The following GABRG3 variants were observed in gnomAD, a reference collection of about 807,000 sequenced individuals.
GABRG3 encodes gamma-aminobutyric acid receptor subunit gamma-3.
A neutral mutation model predicts 48.8 loss-of-function variants in GABRG3; 25 were observed. The observed-to-expected ratio is 0.51, with a 90% CI of 0.37 to 0.72. The LOEUF (loss-of-function observed/expected upper bound fraction) is 0.72, where lower values mean the gene tolerates loss of function less well. Among genes scored for constraint, GABRG3 ranks in the 30% least tolerant of loss-of-function variants. GABRG3 has a pLI of 0.00. For missense variants in GABRG3, 394 were observed against 577.9 expected (o/e 0.68, Z 3.26); for synonymous variants, 227 against 217.6 (o/e 1.04, Z -0.38).
At chr15:26,990,996 G>T (rs771945269) in intron 2 of GABRG3, among the ~76,000 whole-genome samples, 2 of 151,890 alleles carry the variant, frequency 1.3e-5, no homozygotes, top group Non-Finnish European at 2.9e-5. Context: ...ATAGAGATGG[G>T]ATTTCACCAT....
At chr15:27,425,448 C>T (rs970925406) in intron 5 of GABRG3, among the ~76,000 whole-genome samples, 1 of 77,880 alleles carries the variant, frequency 1.3e-5, no homozygotes, top group Non-Finnish European at 3.1e-5. Context: ...ACTAAAAATA[C>T]AAAAAAAAAA....
chr15:27,261,622 T>C (rs1890771608), intron 3 of GABRG3, among the ~76,000 whole-genome samples: 1 of 151,782 alleles, frequency 6.6e-6, no homozygotes, highest in Non-Finnish European at 1.5e-5. Context: ...TTAAAACATA[T>C]GAAATATATT....
chr15:27,163,958 C>T (rs1887290475), intron 3 of GABRG3, among the ~76,000 whole-genome samples: 1 of 152,162 alleles, frequency 6.6e-6, no homozygotes, highest in Admixed American at 6.5e-5. Flanking sequence ...ACCTTAGGAG[C>T]GGACCAATTC....
Position 27,520,069 on chromosome 15 carries a change from A to G in GABRG3, c.810A>G (p.Leu270=). The change falls in exon 7 of 10, where the codon TTA becomes TTG. Residue 270 remains leucine, a synonymous_variant. Coordinates refer to ENST00000615808, the MANE Select transcript of GABRG3 (RefSeq NM_033223.5). ...TYIPCILTVV[L]SWVSFWIKKD... ...TTCCCTGTATACTGACTGTGGTTTTATCCTGGGTGTCATTTTGGATCAAAA... is the reference window on the plus strand; with the variant it reads ...TTCCCTGTATACTGACTGTGGTTTTGTCCTGGGTGTCATTTTGGATCAAAA... The G allele has an allele frequency of 6.2e-7, 1 of 1,604,598 alleles. No homozygotes were observed. The highest frequency in any genetic ancestry group is 8.5e-7 in the Non-Finnish European group (1 of 1,174,830).
chr15:27,037,392 T>G (rs957007873), intron 3 of GABRG3, among the ~76,000 whole-genome samples: 1 of 152,182 alleles, frequency 6.6e-6, no homozygotes, highest in Non-Finnish European at 1.5e-5. Flanking sequence ...AGGTTTATTT[T>G]CAATAAACCT....
At chr15:27,458,721 C>T (rs1889361971) in intron 5 of GABRG3, among the ~76,000 whole-genome samples, 1 of 152,100 alleles carries the variant, frequency 6.6e-6, no homozygotes. Context: ...GGAGAAAAAT[C>T]CAGGCTTATT....
intron 3 of GABRG3, among the ~76,000 whole-genome samples, chr15:27,294,175 C>A (rs1251521429): frequency 6.6e-6 from 1 of 151,944 alleles, no homozygotes; most frequent in Non-Finnish European, 1.5e-5. Context: ...AGCCCAGATC[C>A]CTGTCATCTG....
intron 3 of GABRG3, among the ~76,000 whole-genome samples, chr15:27,192,458 G>T (rs1371403772): frequency 6.6e-6 from 1 of 151,768 alleles, no homozygotes; most frequent in Non-Finnish European, 1.5e-5. Context: ...TTCCCTTCTC[G>T]CTTCATTTCA....
At chr15:27,284,960 TG>T (rs1470803058) in intron 3 of GABRG3, among the ~76,000 whole-genome samples, 4 of 152,218 alleles carry the variant, frequency 2.6e-5, no homozygotes, top group African/African-American at 9.6e-5. Context: ...TAGCTAGAGA[TG>T]AATCCCAGGC....
In GABRG3 at chr15:27,230,257, G is replaced by T. The variant is rs151178781; in HGVS notation, c.271-96552G>T. On this transcript the variant is annotated intron_variant, in intron 3 of 9. Transcript: ENST00000615808. ...ATAAATCGAACCAAACCTGTAGAATGATTCTGAGATGCACTATAATGGTAA... is the reference window on the plus strand; with the variant it reads ...ATAAATCGAACCAAACCTGTAGAATTATTCTGAGATGCACTATAATGGTAA... Among the ~76,000 whole-genome samples, 314 of 152,310 alleles carry T rather than the reference G, an allele frequency of 2.1e-3. 1 individual carries two copies. The highest frequency in any genetic ancestry group is 7.3e-3 in the African/African-American group (302 of 41,578).
chr15:27,089,200 G>A lies in GABRG3; in HGVS notation c.270+62379G>A, dbSNP rs1184213503. 3.3e-5 allele frequency among the ~76,000 whole-genome samples: 5 copies of A among 152,300 alleles called. No individual in the cohort carries two copies. In the East Asian group the frequency reaches 9.7e-4, roughly 29 times the overall value. On this transcript the variant is annotated intron_variant, in intron 3 of 9. Transcript: ENST00000615808. ...CAGGGCCTTGGGGTCAGGAGGAGCC[G>A]CAGGGAAGGCAGAACGGTGGCCAAG...
At chr15:27,026,978 A>C in intron 3 of GABRG3, 157 bp downstream of exon 3, 1 of 506,606 alleles carries the variant, frequency 2.0e-6, no homozygotes, top group Non-Finnish European at 3.5e-6. Context: ...AATGGTAAAA[A>C]AAAAAATGAA....
intron 3 of GABRG3, among the ~76,000 whole-genome samples, chr15:27,121,758 C>T (rs554489956): frequency 9.2e-5 from 14 of 152,314 alleles, no homozygotes; most frequent in Admixed American, 3.3e-4. Context: ...AAGGTTGAGT[C>T]TATAAGATCT....
intron 3 of GABRG3, among the ~76,000 whole-genome samples, chr15:27,262,207 C>T (rs1890789245): frequency 1.3e-5 from 2 of 152,188 alleles, no homozygotes; most frequent in African/African-American, 2.4e-5. Flanking sequence ...CTGAGTGCCT[C>T]GGTCTTTAAT....
chr15:27,238,302 G>C (rs1890036481), intron 3 of GABRG3, among the ~76,000 whole-genome samples: 1 of 152,154 alleles, frequency 6.6e-6, no homozygotes, highest in African/African-American at 2.4e-5. Flanking sequence ...TCTGACCGTG[G>C]GCCCTAACGC....
chr15:27,407,270 A>G (rs1483450771), intron 5 of GABRG3, among the ~76,000 whole-genome samples: 1 of 152,160 alleles, frequency 6.6e-6, no homozygotes, highest in Non-Finnish European at 1.5e-5. Context: ...GCCACTTACT[A>G]CACACCTACT....
intron 3 of GABRG3, among the ~76,000 whole-genome samples, chr15:27,117,105 C>CAAT (rs1381665007): frequency 2.0e-5 from 3 of 152,202 alleles, no homozygotes; most frequent in African/African-American, 7.2e-5. Flanking sequence ...GGATGTTAAA[C>CAAT]AATAGCTCAA....
rs145305125 is a variant in GABRG3, at chr15:27,229,891, T to A, written c.271-96918T>A. ...GCCTCAGCTATTCAGGCTCTTTTTT[T>A]GGTTCCATATACATTTTAAAATATT... is the stretch of plus-strand genomic sequence containing the variant. On this transcript the variant is annotated intron_variant, in intron 3 of 9. Coordinates refer to ENST00000615808, the MANE Select transcript of GABRG3 (RefSeq NM_033223.5). Among the ~76,000 whole-genome samples, 8 of 152,320 alleles carry A rather than the reference T, an allele frequency of 5.3e-5. 1 individual carries two copies. Among genetic ancestry groups the A allele is most frequent in the Admixed American group, 3.9e-4 (6 of 15,294 alleles).
intron 3 of GABRG3, among the ~76,000 whole-genome samples, chr15:27,325,354 G>T (rs922081293): frequency 6.6e-6 from 1 of 152,114 alleles, no homozygotes; most frequent in Non-Finnish European, 1.5e-5. Flanking sequence ...GGGTCCATCT[G>T]GTTGCTGAGA....
Sources: gnomAD v4.1 joint callset for allele counts (sites outside exome capture counted in the v4.1 genomes callset) on GRCh38, gnomAD v4.1.1 for gene constraint, MANE v1.5 for transcripts, NCBI Gene and HGNC (gene_info 2026-07-23, HGNC 2026-07-21) for gene names.